Variants in KCNH8 observed in about 807,000 individuals in gnomAD.
KCNH8 encodes the protein potassium voltage-gated channel subfamily H member 8, also known as voltage-gated delayed rectifier potassium channel KCNH8.
Under a neutral mutation model 103.6 loss-of-function variants are expected in KCNH8, and 70 were observed. The observed-to-expected ratio is 0.68, with a 90% CI of 0.56 to 0.82. The LOEUF (loss-of-function observed/expected upper bound fraction) is 0.82, where lower values mean the gene tolerates loss of function less well. KCNH8 is among the 40% of genes least tolerant of loss of function. The pLI is 0.00. For missense variants in KCNH8, 1,217 were observed against 1,329.9 expected (o/e 0.92, Z 1.32); for synonymous variants, 498 against 489.4 (o/e 1.02, Z -0.23).
intron 11 of KCNH8, among the ~76,000 whole-genome samples, chr3:19,469,339 T>C (rs1322568740): frequency 6.6e-6 from 1 of 152,242 alleles, no homozygotes; most frequent in African/African-American, 2.4e-5. Context: ...TTTACACTTT[T>C]ATGCTGCTTA....
intron 3 of KCNH8, among the ~76,000 whole-genome samples, chr3:19,340,787 C>T (rs1398602776): frequency 1.3e-5 from 2 of 152,098 alleles, no homozygotes; most frequent in African/African-American, 4.8e-5. Flanking sequence ...AAGGATATGT[C>T]TGACTAAAAC....
chr3:19,278,941 G>A (rs1413139906), intron 2 of KCNH8, among the ~76,000 whole-genome samples: 1 of 152,078 alleles, frequency 6.6e-6, no homozygotes, highest in Admixed American at 6.6e-5. Context: ...CTATGCAAAG[G>A]CTCTTTGGAG....
At chr3:19,226,731 G>A (rs1480555227) in intron 1 of KCNH8, among the ~76,000 whole-genome samples, 1 of 152,086 alleles carries the variant, frequency 6.6e-6, no homozygotes, top group African/African-American at 2.4e-5. Flanking sequence ...TCAGTTGGGT[G>A]CCATTCACAA....
intron 1 of KCNH8, among the ~76,000 whole-genome samples, chr3:19,186,622 A>C (rs1303623951): frequency 6.6e-6 from 1 of 152,062 alleles, no homozygotes; most frequent in African/African-American, 2.4e-5. Flanking sequence ...AAAAAAGAAA[A>C]ATCGTAACTT....
intron 7 of KCNH8, among the ~76,000 whole-genome samples, chr3:19,422,386 A>C (rs2066963964): frequency 1.3e-5 from 2 of 152,152 alleles, no homozygotes; most frequent in Admixed American, 6.5e-5. Context: ...AAGACTGCAG[A>C]AAAGGTGAAA....
chr3:19,518,877 C>A (rs565245996), intron 15 of KCNH8, among the ~76,000 whole-genome samples: 2 of 151,970 alleles, frequency 1.3e-5, no homozygotes, highest in South Asian at 4.2e-4. Context: ...GGGTCTCTCT[C>A]ATTAAAATAA....
intron 7 of KCNH8, among the ~76,000 whole-genome samples, chr3:19,413,445 G>A (rs1038476755): frequency 6.6e-6 from 1 of 152,020 alleles, no homozygotes; most frequent in Non-Finnish European, 1.5e-5. Flanking sequence ...TGCTCACTAC[G>A]TGGGTGATGG....
In KCNH8 at chr3:19,249,152, G is replaced by C. The variant is rs910395603; in HGVS notation, c.77-4502G>C. ...GTTAAATACCCTTAGCATATGTATG[G>C]ATAGTGATATACCCATGATGATTTC... On this transcript the variant is annotated intron_variant, in intron 1 of 15. Transcript: ENST00000328405. Among the ~76,000 whole-genome samples the C allele has an allele frequency of 1.4e-4, 22 of 152,186 alleles. 1 individual carries two copies. Among genetic ancestry groups the C allele is most frequent in the African/African-American group, 5.1e-4 (21 of 41,450 alleles).
At chr3:19,362,728 A>G (rs1334445637) in intron 5 of KCNH8, among the ~76,000 whole-genome samples, 1 of 152,162 alleles carries the variant, frequency 6.6e-6, no homozygotes, top group Non-Finnish European at 1.5e-5. Flanking sequence ...CAGTGGCACA[A>G]TCACAGCTCA....
chr3:19,377,543 T>C (rs1236238627), intron 5 of KCNH8, among the ~76,000 whole-genome samples: 1 of 152,212 alleles, frequency 6.6e-6, no homozygotes, highest in African/African-American at 2.4e-5. Flanking sequence ...CTATATTTTA[T>C]TAGCTAAATC....
At chr3:19,191,074 A>G (rs1038066386) in intron 1 of KCNH8, among the ~76,000 whole-genome samples, 4 of 151,932 alleles carry the variant, frequency 2.6e-5, no homozygotes, top group Admixed American at 6.6e-5. Flanking sequence ...TGTCAGTTTA[A>G]GATGATCACA....
At chr3:19,401,516 G>A (rs1333571413) in intron 7 of KCNH8, among the ~76,000 whole-genome samples, 2 of 151,896 alleles carry the variant, frequency 1.3e-5, no homozygotes, top group South Asian at 2.1e-4. Flanking sequence ...TCCAGAAGAC[G>A]CAAATCAAAT....
chr3:19,439,703 TAAAG>T (rs1161311604), intron 8 of KCNH8, among the ~76,000 whole-genome samples: 4 of 152,124 alleles, frequency 2.6e-5, no homozygotes, highest in Non-Finnish European at 5.9e-5. Context: ...TTGCTGTTAT[TAAAG>T]AAGACCACAA....
chr3:19,492,728 G>A (rs575725506), intron 11 of KCNH8, among the ~76,000 whole-genome samples: 1 of 152,054 alleles, frequency 6.6e-6, no homozygotes, highest in African/African-American at 2.4e-5. Flanking sequence ...GAATGATATT[G>A]GTAGTTCAAT....
intron 3 of KCNH8, among the ~76,000 whole-genome samples, chr3:19,339,499 T>A (rs2065629484): frequency 6.6e-6 from 1 of 152,130 alleles, no homozygotes. Context: ...TTTACAAAGA[T>A]TCTATGTAAG....
At chr3:19,467,219 C>T (rs540966932) in intron 11 of KCNH8, among the ~76,000 whole-genome samples, 1 of 151,888 alleles carries the variant, frequency 6.6e-6, no homozygotes, top group South Asian at 2.1e-4. Flanking sequence ...CCATAAAATT[C>T]CAATTAAAAA....
chr3:19,281,421 T>C, intron 3 of KCNH8, 92 bp downstream of exon 3: 2 of 1,132,518 alleles, frequency 1.8e-6, no homozygotes, highest in Non-Finnish European at 2.5e-6. Context: ...GCATTTTTAA[T>C]AACAGCAACT....
At chr3:19,501,968 G>C (rs956201379) in intron 11 of KCNH8, among the ~76,000 whole-genome samples, 3 of 152,218 alleles carry the variant, frequency 2.0e-5, no homozygotes, top group African/African-American at 4.8e-5. Context: ...ATTAGGAAAA[G>C]AGGAAGTCAA....
chr3:19,459,722 TA>T (rs1485332180), intron 11 of KCNH8, among the ~76,000 whole-genome samples: 2 of 152,164 alleles, frequency 1.3e-5, no homozygotes, highest in African/African-American at 4.8e-5. Flanking sequence ...TAGAGTTACA[TA>T]ATTTCAGTTC....
Sources: allele counts gnomAD v4.1 joint callset (sites outside exome capture counted in the v4.1 genomes callset), GRCh38; gene constraint gnomAD v4.1.1; transcripts MANE v1.5; gene names NCBI Gene and HGNC (gene_info 2026-07-23, HGNC 2026-07-21).